HSPA13: variants seen among roughly 807,000 people sequenced by gnomAD.
HSPA13 encodes heat shock 70 kDa protein 13.
HSPA13 carries 29 observed loss-of-function variants against 38.8 expected under a neutral mutation model. That is an observed-to-expected ratio of 0.75 (90% CI 0.56 to 1.02). The LOEUF is 1.02. Among genes scored for constraint, HSPA13 ranks in the 50% least tolerant of loss-of-function variants. The pLI, the probability that HSPA13 is intolerant of heterozygous loss-of-function variation, is 0.00. For synonymous variants in HSPA13, 192 were observed against 205.3 expected (o/e 0.94, Z 0.56); for missense variants, 451 against 560.9 (o/e 0.80, Z 1.98).
chr21:14,377,748 T>C (rs188598074), intron 3 of HSPA13, among the ~76,000 whole-genome samples: 2 of 152,270 alleles, frequency 1.3e-5, no homozygotes, highest in Admixed American at 6.5e-5. Flanking sequence ...ACTGCCTGAG[T>C]CTTCTGGCCT....
In HSPA13 at chr21:14,373,996, C is replaced by T. The variant is rs201903322; in HGVS notation, c.1037G>A (p.Gly346Glu). The T allele has an allele frequency of 5.2e-5, 84 of 1,614,080 alleles. No homozygotes were observed. Among genetic ancestry groups the T allele is most frequent in the African/African-American group, 4.0e-5 (3 of 74,924 alleles). The stretch of plus-strand genomic sequence containing the variant: ...ACTTTTCTTATCAGAAAGGCCACGT[C>T]CAAACCCACTGTTCACGCGATGGTC... ...ADDHRVNSGFGRGLSDKKSGE... is the reference protein window; with the variant it reads ...ADDHRVNSGFERGLSDKKSGE... The change falls in exon 5 of 5, where the codon GGA becomes GAA. Residue 346 changes from glycine (G) to glutamate (E), a missense_variant. Transcript: ENST00000285667.
chr21:14,375,048 C>T (rs1346027888), intron 4 of HSPA13, among the ~76,000 whole-genome samples: 2 of 152,048 alleles, frequency 1.3e-5, no homozygotes, highest in Non-Finnish European at 2.9e-5. Context: ...ATCCCTTAAG[C>T]TAAATTCGAC....
rs1346496046 is a variant in HSPA13, at chr21:14,374,087, G to T, written c.946C>A (p.Gln316Lys). 1 of 1,614,012 alleles carries T rather than the reference G, an allele frequency of 6.2e-7. No individual in the cohort carries two copies. ...QLSVLLTVEEQDRKEPHSSDT... is the reference protein window; with the variant it reads ...QLSVLLTVEEKDRKEPHSSDT... ...CTACTGTGAGGTTCCTTCCTGTCCT[G>T]CTCCTCCACCGTTAGTAATACTGAC... The change falls in exon 5 of 5, where the codon CAG becomes AAG. Residue 316 changes from glutamine (Q) to lysine (K), a missense_variant. Physicochemically the swap from Gln to Lys is moderately conservative, Grantham distance 53. Coordinates refer to ENST00000285667, the MANE Select transcript of HSPA13 (RefSeq NM_006948.5).
chr21:14,381,540 G>C lies in HSPA13; in HGVS notation c.29C>G (p.Ser10Trp), dbSNP rs778448061. The C allele has an allele frequency of 5.1e-6, 8 of 1,584,012 alleles. No individual in the cohort carries two copies. Among genetic ancestry groups the C allele is most frequent in the Non-Finnish European group, 5.2e-6 (6 of 1,160,246 alleles). Residue 10 changes from serine (S) to tryptophan (W), a missense_variant, in exon 2 of 5, where the codon TCG (serine) becomes TGG (tryptophan). Transcript: ENST00000285667. The part of the protein sequence containing the change: MAREMTILG[S>W]AVLTLLLAGY... ...GGCCAACAGGAGAGTCAAAACAGCCGATCCTGAAATAAAGGAAAATTAAAA... is the reference window on the plus strand; with the variant it reads ...GGCCAACAGGAGAGTCAAAACAGCCCATCCTGAAATAAAGGAAAATTAAAA...
At chr21:14,378,445 TAA>T (rs760363409) in intron 2 of HSPA13, 33 bp from the exon 3 acceptor site, 1 of 1,352,966 alleles carries the variant, frequency 7.4e-7, no homozygotes, top group Non-Finnish European at 1.1e-6. Flanking sequence ...AGTAAATAAA[TAA>T]AAGAGTAAAA....
At position 14,374,226 on chromosome 21, in the gene HSPA13, T is replaced by C; in HGVS notation, c.807A>G (p.Lys269=). The change falls in exon 5 of 5, where the codon AAA becomes AAG. Residue 269 remains lysine (K), a synonymous_variant. Coordinates refer to ENST00000285667, the MANE Select transcript of HSPA13 (RefSeq NM_006948.5). ...FNQRLLQYLY[K]QIYQTYGFVP... Reference sequence around the variant, plus strand: ...CGAAGCCATATGTTTGATAGATCTGTTTATATAAGTACTGAAGCAATCTCT... The same window carrying C: ...CGAAGCCATATGTTTGATAGATCTGCTTATATAAGTACTGAAGCAATCTCT... 1.2e-6 allele frequency: 2 copies of C among 1,612,604 alleles called. No individual in the cohort carries two copies. The highest frequency in any genetic ancestry group is 1.7e-6 in the Non-Finnish European group (2 of 1,179,966).
At position 14,371,478 on chromosome 21, in the gene HSPA13, ATAAAC is replaced by A. The variant is rs1982826453; in HGVS notation, c.*2134_*2138del. ...TCAGGATGCATTATCTTTTAAATAA[ATAAAC>A]TAAATTGACTTCAAGACTATTTATA... On this transcript the variant is annotated 3_prime_UTR_variant, in exon 5 of 5. Coordinates refer to ENST00000285667, the MANE Select transcript of HSPA13 (RefSeq NM_006948.5). 3 of 152,310 alleles carry A rather than the reference ATAAAC, an allele frequency of 2.0e-5. No individual in the cohort carries two copies. Among genetic ancestry groups the A allele is most frequent in the South Asian group, 4.1e-4 (2 of 4,830 alleles). 9.4% of individuals were successfully genotyped at this position (152,310 alleles called of 1,614,324 possible).
At chr21:14,382,337 G>T (rs1284236152) in intron 1 of HSPA13, among the ~76,000 whole-genome samples, 1 of 152,002 alleles carries the variant, frequency 6.6e-6, no homozygotes, top group African/African-American at 2.4e-5. Context: ...AAAGAAAAAA[G>T]AGTAGGAACA....
intron 2 of HSPA13, among the ~76,000 whole-genome samples, chr21:14,380,148 C>G (rs1219218990): frequency 6.7e-6 from 1 of 148,730 alleles, no homozygotes; most frequent in African/African-American, 2.5e-5. Context: ...TCCAAACCAA[C>G]AAATACATAA....
rs775923673 is a variant in HSPA13 at position 14,378,342 on chromosome 21, T to G, written c.437A>C (p.Tyr146Ser). ...SNETITVSPEYVGSRLLLKLK... is the reference protein window; with the variant it reads ...SNETITVSPESVGSRLLLKLK... ...CTTCAACAATAGTCGAGAGCCAACA[T>G]ATTCTGGGGACACTGTGATGGTCTC... is the stretch of plus-strand genomic sequence containing the variant. The change falls in exon 3 of 5, where the codon TAT becomes TCT. Residue 146 changes from tyrosine (Y) to serine (S), a missense_variant. Coordinates refer to ENST00000285667, the MANE Select transcript of HSPA13 (RefSeq NM_006948.5). The G allele has an allele frequency of 6.2e-7, 1 of 1,614,166 alleles. No homozygotes were observed.
intron 2 of HSPA13, 95 bp from the exon 3 acceptor site, chr21:14,378,507 C>A: frequency 1.3e-6 from 1 of 766,626 alleles, no homozygotes; most frequent in Non-Finnish European, 2.1e-6. Context: ...TGAGAACTTA[C>A]CCTTATCTTT....
intron 3 of HSPA13, among the ~76,000 whole-genome samples, chr21:14,376,329 C>A (rs997450791): frequency 5.9e-5 from 9 of 152,096 alleles, no homozygotes; most frequent in Non-Finnish European, 1.3e-4. Flanking sequence ...GGGAGAATGG[C>A]GTGAACCCGG....
Position 14,373,778 on chromosome 21 carries a change from G to C in HSPA13, c.1255C>G (p.Gln419Glu), listed in dbSNP as rs369475727. ...TRIPRIRQVI[Q>E]EFFGKDPNTS... ...TTGGGATCTTTTCCAAAGAACTCTT[G>C]AATGACTTGACGGATCCGAGGAATA... Residue 419 changes from glutamine to glutamate, a missense_variant, in exon 5 of 5, where the codon CAA becomes GAA. Transcript: ENST00000285667. The C allele has an allele frequency of 8.1e-6, 13 of 1,614,040 alleles. No individual in the cohort carries two copies. In the African/African-American group the frequency reaches 1.7e-4, roughly 22 times the overall value.
At chr21:14,378,461 T>C (rs778002235) in intron 2 of HSPA13, 49 bp from the exon 3 acceptor site, 2 of 1,178,962 alleles carry the variant, frequency 1.7e-6, no homozygotes, top group Admixed American at 1.8e-5. Flanking sequence ...AGTAAAAGCA[T>C]ACAGACATAC....
chr21:14,375,263 C>T (rs554827602), intron 4 of HSPA13, among the ~76,000 whole-genome samples: 6 of 152,142 alleles, frequency 3.9e-5, no homozygotes, highest in Admixed American at 1.3e-4. Flanking sequence ...CTATGTGAGC[C>T]GTAATTGGGT....
At chr21:14,382,634 T>G (rs1984199264) in intron 1 of HSPA13, among the ~76,000 whole-genome samples, 1 of 151,976 alleles carries the variant, frequency 6.6e-6, no homozygotes, top group Non-Finnish European at 1.5e-5. Flanking sequence ...GGTGTGTGTG[T>G]GGGTGGGGGA....
intron 2 of HSPA13, among the ~76,000 whole-genome samples, chr21:14,380,432 C>A (rs1389467458): frequency 6.7e-6 from 1 of 149,410 alleles, no homozygotes; most frequent in African/African-American, 2.4e-5. Context: ...AAATTCTGAT[C>A]TCACTAAAAA....
chr21:14,379,769 C>T (rs1452572160), intron 2 of HSPA13, among the ~76,000 whole-genome samples: 2 of 151,830 alleles, frequency 1.3e-5, no homozygotes, highest in East Asian at 3.8e-4. Context: ...ATTTTTATGG[C>T]TAGGTTTATT....
In HSPA13 at chr21:14,375,802, C is replaced by T. The variant is rs778840367; in HGVS notation, c.598G>A (p.Val200Ile). 1.2e-6 allele frequency: 2 copies of T among 1,613,638 alleles called. No homozygotes were observed. Among genetic ancestry groups the T allele is most frequent in the Non-Finnish European group, 1.7e-6 (2 of 1,179,722 alleles). The change falls in exon 4 of 5, where the codon GTA (valine) becomes ATA (isoleucine). Residue 200 changes from valine to isoleucine, a missense_variant. Coordinates refer to ENST00000285667, the MANE Select transcript of HSPA13 (RefSeq NM_006948.5). The stretch of plus-strand genomic sequence containing the variant: ...GCTGCTGCTGTGGGTTCATTTATTA[C>T]CCTCAAAATCTTCAGTCCTGTAAGA... ...ANLAGLKILR[V>I]INEPTAAAMA...
Sources: gnomAD v4.1 joint callset for allele counts (sites outside exome capture counted in the v4.1 genomes callset) on GRCh38, gnomAD v4.1.1 for gene constraint, MANE v1.5 for transcripts, NCBI Gene and HGNC (gene_info 2026-07-23, HGNC 2026-07-21) for gene names.